EFNA5: variants seen among roughly 807,000 people sequenced by gnomAD.
The protein encoded by EFNA5 is ephrin-A5.
EFNA5 carries 5 observed loss-of-function variants against 22.9 expected under a neutral mutation model. The observed-to-expected ratio is 0.22, with a 90% CI of 0.11 to 0.46. The LOEUF (loss-of-function observed/expected upper bound fraction) is 0.46, where lower values mean the gene tolerates loss of function less well. Among genes scored for constraint, EFNA5 ranks in the 20% least tolerant of loss-of-function variants. EFNA5 has a pLI of 0.99. For missense variants in EFNA5, 237 were observed against 293.3 expected (o/e 0.81, Z 1.40); for synonymous variants, 113 against 112.2 (o/e 1.01, Z -0.04).
At chr5:107,414,950 T>C (rs1409982526) in intron 2 of EFNA5, among the ~76,000 whole-genome samples, 1 of 152,164 alleles carries the variant, frequency 6.6e-6, no homozygotes, top group Non-Finnish European at 1.5e-5. Context: ...TAAGTACCAG[T>C]ACTATTTATA....
chr5:107,579,641 T>C (rs954474096), intron 1 of EFNA5, among the ~76,000 whole-genome samples: 2 of 152,158 alleles, frequency 1.3e-5, no homozygotes, highest in African/African-American at 4.8e-5. Flanking sequence ...TTTCTCTCTC[T>C]CTGTCTGAAT....
chr5:107,658,082 C>T (rs1250608409), intron 1 of EFNA5, among the ~76,000 whole-genome samples: 2 of 152,092 alleles, frequency 1.3e-5, no homozygotes, highest in Non-Finnish European at 2.9e-5. Context: ...GCATTTTGTC[C>T]CAAGTCTTTT....
chr5:107,446,829 T>C (rs1349652606), intron 1 of EFNA5, among the ~76,000 whole-genome samples: 2 of 152,142 alleles, frequency 1.3e-5, no homozygotes, highest in East Asian at 1.9e-4. Flanking sequence ...GGACTGTCTA[T>C]GCACTCACAA....
intron 1 of EFNA5, chr5:107,506,239 G>A (rs1204217561): frequency 6.6e-6 from 1 of 152,094 alleles, no homozygotes; most frequent in African/African-American, 2.4e-5. Flanking sequence ...GTACTTATTG[G>A]AACTATATTA....
At chr5:107,488,923 C>T (rs1746720956) in intron 1 of EFNA5, among the ~76,000 whole-genome samples, 1 of 151,974 alleles carries the variant, frequency 6.6e-6, no homozygotes, top group Non-Finnish European at 1.5e-5. Flanking sequence ...GAACTCCTGA[C>T]CTCACGATCC....
At chr5:107,503,795 C>T (rs1253541151) in intron 1 of EFNA5, among the ~76,000 whole-genome samples, 1 of 151,966 alleles carries the variant, frequency 6.6e-6, no homozygotes. Context: ...ATTGTTTACC[C>T]ATTAAAAAGG....
intron 2 of EFNA5, among the ~76,000 whole-genome samples, chr5:107,415,376 T>G (rs1467519232): frequency 1.3e-5 from 2 of 152,230 alleles, no homozygotes; most frequent in Non-Finnish European, 2.9e-5. Context: ...CAGAACAGAA[T>G]TAATGGTGCT....
chr5:107,653,574 A>G (rs1750774559), intron 1 of EFNA5, among the ~76,000 whole-genome samples: 1 of 152,202 alleles, frequency 6.6e-6, no homozygotes. Context: ...CCTTCCAAGC[A>G]CAACTCAACA....
chr5:107,510,517 G>A (rs1747348004), intron 1 of EFNA5, among the ~76,000 whole-genome samples: 1 of 152,046 alleles, frequency 6.6e-6, no homozygotes, highest in African/African-American at 2.4e-5. Flanking sequence ...AACTCCTTGC[G>A]AGATCCAAGA....
intron 1 of EFNA5, among the ~76,000 whole-genome samples, chr5:107,633,805 A>C (rs1750313155): frequency 6.6e-6 from 1 of 152,164 alleles, no homozygotes; most frequent in Admixed American, 6.5e-5. Context: ...CTGTTCACAA[A>C]CGTATTCACA....
At chr5:107,467,460 T>C (rs1311465432) in intron 1 of EFNA5, among the ~76,000 whole-genome samples, 1 of 152,140 alleles carries the variant, frequency 6.6e-6, no homozygotes, top group Admixed American at 6.6e-5. Flanking sequence ...GACAATAATA[T>C]GTACATTCAT....
chr5:107,479,327 C>CT (rs1750390562), intron 1 of EFNA5, among the ~76,000 whole-genome samples: 1 of 152,076 alleles, frequency 6.6e-6, no homozygotes, highest in African/African-American at 2.4e-5. Context: ...ATAGCACTTC[C>CT]TTTTACATAT....
At chr5:107,381,919 G>C (rs1284248544) in intron 4 of EFNA5, among the ~76,000 whole-genome samples, 1 of 152,140 alleles carries the variant, frequency 6.6e-6, no homozygotes, top group Admixed American at 6.5e-5. Flanking sequence ...GCAGCATTTT[G>C]GATAAACTAT....
chr5:107,532,902 G>A (rs188637440), intron 1 of EFNA5, among the ~76,000 whole-genome samples: 2 of 152,308 alleles, frequency 1.3e-5, no homozygotes, highest in Admixed American at 1.3e-4. Flanking sequence ...AAGGTCTGAG[G>A]AAACAAAGAC....
At chr5:107,571,295 C>G (rs1210734794) in intron 1 of EFNA5, among the ~76,000 whole-genome samples, 1 of 152,126 alleles carries the variant, frequency 6.6e-6, no homozygotes, top group Non-Finnish European at 1.5e-5. Context: ...GCACAGGAAC[C>G]TAGTGGCTCA....
chr5:107,427,433 A>T lies in EFNA5; in HGVS notation c.202T>A (p.Ser68Thr). The change falls in exon 2 of 5, where the codon TCC (serine) becomes ACC (threonine). Residue 68 changes from serine to threonine, a missense_variant. By Grantham distance (58) the Ser-to-Thr change is moderately conservative. Coordinates refer to ENST00000333274, the MANE Select transcript of EFNA5 (RefSeq NM_001962.3). The part of the protein sequence containing the change: ...LDVFCPHYED[S>T]VPEDKTERYV... ...CGCTCAGTCTTATCTTCTGGGACGGAGTCCTCATAGTGAGGGCAGAAAACA... is the reference window on the plus strand; with the variant it reads ...CGCTCAGTCTTATCTTCTGGGACGGTGTCCTCATAGTGAGGGCAGAAAACA... 1 of 1,614,058 alleles carries T rather than the reference A, an allele frequency of 6.2e-7. No individual in the cohort carries two copies. Among genetic ancestry groups the T allele is most frequent in the Non-Finnish European group, 8.5e-7 (1 of 1,179,996 alleles).
intron 1 of EFNA5, among the ~76,000 whole-genome samples, chr5:107,618,431 T>C (rs1479810803): frequency 6.6e-6 from 1 of 152,206 alleles, no homozygotes; most frequent in African/African-American, 2.4e-5. Flanking sequence ...CCGCATGTCA[T>C]ATGATTCCTA....
chr5:107,553,556 C>T (rs553252686), intron 1 of EFNA5, among the ~76,000 whole-genome samples: 46 of 152,156 alleles, frequency 3.0e-4, no homozygotes, highest in African/African-American at 1.0e-3. Flanking sequence ...TTTAAACATT[C>T]GGAGGAGACC....
At chr5:107,614,895 AT>A (rs1749883115) in intron 1 of EFNA5, among the ~76,000 whole-genome samples, 1 of 152,326 alleles carries the variant, frequency 6.6e-6, no homozygotes, top group African/African-American at 2.4e-5. Context: ...ATACAAAAAA[AT>A]ATGCCATATG....
Sources: gnomAD v4.1 joint callset for allele counts (sites outside exome capture counted in the v4.1 genomes callset) on GRCh38, gnomAD v4.1.1 for gene constraint, MANE v1.5 for transcripts, NCBI Gene and HGNC (gene_info 2026-07-23, HGNC 2026-07-21) for gene names.